Variants in SERPINB11 observed in about 807,000 individuals in gnomAD.
SERPINB11 encodes serpin B11.
In SERPINB11, 32 loss-of-function variants were observed where a neutral mutation model predicts 36.7. That is an observed-to-expected ratio of 0.87 (90% CI 0.66 to 1.17). The LOEUF is 1.17. Among genes scored for constraint, SERPINB11 ranks in the 50% most tolerant of loss-of-function variants. The pLI, the probability that SERPINB11 is intolerant of heterozygous loss-of-function variation, is 0.00. For missense variants in SERPINB11, 528 were observed against 458.4 expected (o/e 1.15, Z -1.39); for synonymous variants, 174 against 168.1 (o/e 1.04, Z -0.27).
intron 2 of SERPINB11, among the ~76,000 whole-genome samples, chr18:63,710,923 G>C (rs921850012): frequency 2.6e-5 from 4 of 152,158 alleles, no homozygotes; most frequent in Non-Finnish European, 5.9e-5. Context: ...CAACTCTTAG[G>C]ATACTTGCAA....
intron 5 of SERPINB11, among the ~76,000 whole-genome samples, chr18:63,717,543 G>T (rs1175177527): frequency 6.6e-6 from 1 of 151,998 alleles, no homozygotes; most frequent in Non-Finnish European, 1.5e-5. Flanking sequence ...GGTAGTGTAA[G>T]GCTTGTTAAC....
rs1056288921 is a variant in SERPINB11 at position 63,723,549 on chromosome 18, A to G, written c.*150A>G. 14 of 653,484 alleles carry G rather than the reference A, an allele frequency of 2.1e-5. No individual in the cohort carries two copies. Among genetic ancestry groups the G allele is most frequent in the Middle Eastern group, 3.7e-4 (1 of 2,674 alleles). 40.5% of individuals were successfully genotyped at this position (653,484 alleles called of 1,614,324 possible). Reference sequence around the variant, plus strand: ...AATAGGTCTAGGATTTCTTCCAACCATTTCATGAGTTGTGAAGCTAAGGCT... The same window carrying G: ...AATAGGTCTAGGATTTCTTCCAACCGTTTCATGAGTTGTGAAGCTAAGGCT... On this transcript the variant is annotated 3_prime_UTR_variant, in exon 8 of 8. Transcript: ENST00000544088.
At chr18:63,706,059 T>TA (rs980734365) in intron 1 of SERPINB11, among the ~76,000 whole-genome samples, 3 of 152,188 alleles carry the variant, frequency 2.0e-5, no homozygotes, top group Admixed American at 6.5e-5. Flanking sequence ...TTATATTTTT[T>TA]AAAAACTGTC....
At position 63,720,871 on chromosome 18, in the gene SERPINB11, C is replaced by T; in HGVS notation, c.659C>T (p.Thr220Ile). Residue 220 changes from threonine to isoleucine, a missense_variant, in exon 7 of 8, where the codon ACA becomes ATA. By Grantham distance (89) the Thr-to-Ile change is moderately conservative (BLOSUM62 -1). Transcript: ENST00000544088. The part of the protein sequence containing the change: ...VTVEMMYQIG[T>I]FKLAFVKEPQ... ...GTGGAAATGATGTATCAAATTGGAA[C>T]ATTTAAACTGGCCTTTGTAAAGGAG... 1.9e-6 allele frequency: 3 copies of T among 1,571,598 alleles called. No homozygotes were observed. The highest frequency in any genetic ancestry group is 2.6e-6 in the Non-Finnish European group (3 of 1,157,244).
rs762376615 is a variant in SERPINB11, at chr18:63,711,352, T to A, written c.186T>A (p.His62Gln). ...EQLEKVLHFS[H>Q]TVDSLKPGFK... is the part of the protein sequence containing the mutation. The stretch of plus-strand genomic sequence containing the variant: ...TTTTCTAGGTGCTTCATTTTAGTCA[T>A]ACTGTAGACTCATTAAAACCAGGGT... The change falls in exon 3 of 8, where the codon CAT becomes CAA. Residue 62 changes from histidine (H) to glutamine (Q), a missense_variant. His to Gln is a conservative substitution (Grantham distance 24). Coordinates refer to ENST00000544088, the MANE Select transcript of SERPINB11 (RefSeq NM_001370475.1). 6.2e-7 allele frequency: 1 copy of A among 1,610,762 alleles called. No individual in the cohort carries two copies. Among genetic ancestry groups the A allele is most frequent in the African/African-American group, 1.3e-5 (1 of 74,838 alleles).
intron 2 of SERPINB11, 68 bp from the exon 3 acceptor site, chr18:63,711,267 C>A (rs893205746): frequency 3.2e-5 from 34 of 1,060,724 alleles, no homozygotes; most frequent in Non-Finnish European, 4.7e-5. Context: ...TAGATACTTA[C>A]AACTGTCAAC....
intron 1 of SERPINB11, among the ~76,000 whole-genome samples, chr18:63,707,757 G>A (rs914096123): frequency 6.6e-6 from 1 of 152,190 alleles, no homozygotes; most frequent in African/African-American, 2.4e-5. Context: ...CTGCAAACAT[G>A]TACTGGGTCA....
intron 4 of SERPINB11, 82 bp from the exon 5 acceptor site, chr18:63,715,953 A>G: frequency 1.3e-6 from 1 of 798,054 alleles, no homozygotes; most frequent in Non-Finnish European, 2.0e-6. Context: ...CTGCATTAGA[A>G]TTTTAGAATA....
intron 5 of SERPINB11, among the ~76,000 whole-genome samples, chr18:63,718,247 T>C (rs987844588): frequency 4.6e-5 from 7 of 151,982 alleles, no homozygotes; most frequent in Non-Finnish European, 1.0e-4. Flanking sequence ...TGTTGATCTC[T>C]TCTAGGGTTG....
intron 4 of SERPINB11, 142 bp downstream of exon 4, chr18:63,712,835 A>G: frequency 4.1e-6 from 4 of 966,152 alleles, no homozygotes. Flanking sequence ...TTTCAGTGAA[A>G]TGGATTTATT....
intron 1 of SERPINB11, among the ~76,000 whole-genome samples, chr18:63,708,822 G>A (rs569291409): frequency 1.5e-4 from 23 of 152,272 alleles, no homozygotes; most frequent in African/African-American, 4.6e-4. Flanking sequence ...TAGAGAAGAG[G>A]CTCAAGATCT....
chr18:63,712,215 C>T (rs759995607), intron 3 of SERPINB11, among the ~76,000 whole-genome samples: 33 of 152,168 alleles, frequency 2.2e-4, no homozygotes, highest in East Asian at 3.9e-4. Context: ...AAAAGAGAAA[C>T]GATTCTGTAA....
intron 4 of SERPINB11, 43 bp from the exon 5 acceptor site, chr18:63,715,992 A>G: frequency 3.0e-6 from 4 of 1,355,284 alleles, no homozygotes; most frequent in Middle Eastern, 1.9e-4. Flanking sequence ...TGTTTTCCTT[A>G]CACTGCTTTT....
chr18:63,704,916 T>G (rs1408171457), intron 1 of SERPINB11, among the ~76,000 whole-genome samples: 9 of 152,164 alleles, frequency 5.9e-5, no homozygotes, highest in Non-Finnish European at 8.8e-5. Flanking sequence ...AGGAAACCAT[T>G]TGGGCATCTG....
intron 1 of SERPINB11, among the ~76,000 whole-genome samples, chr18:63,709,519 G>C (rs1914460038): frequency 6.6e-6 from 1 of 152,006 alleles, no homozygotes; most frequent in Admixed American, 6.6e-5. Flanking sequence ...GCTGAGGCAG[G>C]AGAATGGCAT....
chr18:63,707,877 T>G (rs1411372043), intron 1 of SERPINB11, among the ~76,000 whole-genome samples: 2 of 152,106 alleles, frequency 1.3e-5, no homozygotes, highest in Non-Finnish European at 2.9e-5. Context: ...TAAATACATA[T>G]GTAGTAAGCC....
chr18:63,713,835 T>C (rs1300951413), intron 4 of SERPINB11, among the ~76,000 whole-genome samples: 5 of 152,160 alleles, frequency 3.3e-5, no homozygotes, highest in African/African-American at 1.2e-4. Flanking sequence ...TGACATCTGT[T>C]CCAGAAGTGA....
chr18:63,704,742 C>T (rs145539330), intron 1 of SERPINB11, among the ~76,000 whole-genome samples: 1 of 152,324 alleles, frequency 6.6e-6, no homozygotes, highest in East Asian at 1.9e-4. Flanking sequence ...AACATCATCA[C>T]TCACCCTGCA....
rs201552669 is a variant in SERPINB11 at position 63,710,314 on chromosome 18, A to G, written c.121A>G (p.Met41Val). The change falls in exon 2 of 8, where the codon ATG (methionine) becomes GTG (valine). Residue 41 changes from methionine to valine, a missense_variant. By Grantham distance (21) the Met-to-Val change is conservative. Coordinates refer to ENST00000544088, the MANE Select transcript of SERPINB11 (RefSeq NM_001370475.1). ...GCTGAGTCTGCTTTATGCTCTAAGC[A>G]TGGTCCTCCTTGGTGCCAGGGGAGA... ...SSLSLLYALS[M>V]VLLGARGETE... The G allele has an allele frequency of 4.4e-5, 71 of 1,613,706 alleles. No individual in the cohort carries two copies. The highest frequency in any genetic ancestry group is 2.7e-4 in the East Asian group (12 of 44,866).
Sources: gnomAD v4.1 joint callset for allele counts (sites outside exome capture counted in the v4.1 genomes callset) on GRCh38, gnomAD v4.1.1 for gene constraint, MANE v1.5 for transcripts, NCBI Gene and HGNC (gene_info 2026-07-23, HGNC 2026-07-21) for gene names.